Variants in ZNF276 observed in about 807,000 individuals in gnomAD.
ZNF276 encodes the protein zinc finger protein 276, also known as centromere protein Z.
A neutral mutation model predicts 63.9 loss-of-function variants in ZNF276; 59 were observed. That is an observed-to-expected ratio of 0.92 (90% CI 0.75 to 1.15). The LOEUF is 1.15. Ranked by LOEUF, ZNF276 falls within the 50% of genes most tolerant of loss-of-function variation. ZNF276 has a pLI of 0.00. For synonymous variants in ZNF276, 496 were observed against 348.4 expected (o/e 1.42, Z -4.72); for missense variants, 1,084 against 843.8 (o/e 1.28, Z -3.53).
At chr16:89,724,043 G>A (rs532470735) in intron 4 of ZNF276, among the ~76,000 whole-genome samples, 1 of 152,380 alleles carries the variant, frequency 6.6e-6, no homozygotes, top group African/African-American at 2.4e-5. Context: ...CCTTGTCTGT[G>A]GATGTGGGAG....
chr16:89,739,730 G>C lies in ZNF276; in HGVS notation c.*1484G>C, dbSNP rs904003922. 6.7e-7 allele frequency: 1 copy of C among 1,499,028 alleles called. No individual in the cohort carries two copies. The highest frequency in any genetic ancestry group is 2.1e-5 in the Admixed American group (1 of 48,452). 92.9% of individuals were successfully genotyped at this position (1,499,028 alleles called of 1,614,324 possible). ...CCTGTCAGCAGCTGGGAGAGGATGGGGGGGTCGACCTCTTGCAGGAGGGTG... is the reference window on the plus strand; with the variant it reads ...CCTGTCAGCAGCTGGGAGAGGATGGCGGGGTCGACCTCTTGCAGGAGGGTG... On this transcript the variant is annotated 3_prime_UTR_variant, in exon 11 of 11. Coordinates refer to ENST00000443381, the MANE Select transcript of ZNF276 (RefSeq NM_001113525.2).
rs140576598 is a variant in ZNF276 at position 89,738,133 on chromosome 16, C to G, written c.1732C>G (p.Pro578Ala). ...NLNVHMSMVHPLTQTQDKALP... is the reference protein window; with the variant it reads ...NLNVHMSMVHALTQTQDKALP... ...CAATGTACACATGTCCATGGTGCACCCGCTGACACAGACCCAGGACAAGGC... is the reference window on the plus strand; with the variant it reads ...CAATGTACACATGTCCATGGTGCACGCGCTGACACAGACCCAGGACAAGGC... Residue 578 changes from proline (P) to alanine (A), a missense_variant, in exon 11 of 11, where the codon CCG becomes GCG. Coordinates refer to ENST00000443381, the MANE Select transcript of ZNF276 (RefSeq NM_001113525.2). The G allele has an allele frequency of 2.5e-6, 4 of 1,613,620 alleles. No individual in the cohort carries two copies. Among genetic ancestry groups the G allele is most frequent in the Non-Finnish European group, 3.4e-6 (4 of 1,180,026 alleles).
chr16:89,733,997 T>C lies in ZNF276; in HGVS notation c.1433T>C (p.Ile478Thr). 6.2e-7 allele frequency: 1 copy of C among 1,614,080 alleles called. No homozygotes were observed. Among genetic ancestry groups the C allele is most frequent in the East Asian group, 2.2e-5 (1 of 44,882 alleles). ...CCTGGCTGCAACAAGGTTTTCATGA[T>C]CGACCGCTACCTGCAGCGCCACGTG... Reference protein sequence around the residue: ...PHPGCNKVFMIDRYLQRHVKL... With the variant: ...PHPGCNKVFMTDRYLQRHVKL... The change falls in exon 9 of 11, where the codon ATC becomes ACC. Residue 478 changes from isoleucine to threonine, a missense_variant. Physicochemically the swap from Ile to Thr is moderately conservative, Grantham distance 89. Transcript: ENST00000443381.
intron 6 of ZNF276, chr16:89,731,771 A>G (rs11649100): frequency 0.06 from 9,154 of 152,316 alleles, 430 homozygotes; most frequent in East Asian, 0.22. Flanking sequence ...GTTCATTGAT[A>G]ATATATAGAA....
intron 4 of ZNF276, among the ~76,000 whole-genome samples, chr16:89,724,843 TTCC>T (rs1567567308): frequency 6.6e-6 from 1 of 152,156 alleles, no homozygotes; most frequent in Non-Finnish European, 1.5e-5. Context: ...CCTATCTATC[TTCC>T]TACTTCTTTG....
chr16:89,740,219 TG>T lies in ZNF276; in HGVS notation c.*1975del. Reference sequence around the variant, plus strand: ...CTTTGCTTATTGTAAGTCTTAAAACTGGTGACAGTTTTACCTATAGAAGGTA... The same window carrying T: ...CTTTGCTTATTGTAAGTCTTAAAACTGTGACAGTTTTACCTATAGAAGGTA... On this transcript the variant is annotated 3_prime_UTR_variant, in exon 11 of 11. Coordinates refer to ENST00000443381, the MANE Select transcript of ZNF276 (RefSeq NM_001113525.2). 3 of 866,828 alleles carry T rather than the reference TG, an allele frequency of 3.5e-6. No individual in the cohort carries two copies. The highest frequency in any genetic ancestry group is 5.9e-6 in the Non-Finnish European group (3 of 505,748). 53.7% of individuals were successfully genotyped at this position (866,828 alleles called of 1,614,324 possible). A position where few individuals can be genotyped will look rare whatever the true frequency, so the allele number is the denominator to read the frequency against.
intron 4 of ZNF276, among the ~76,000 whole-genome samples, chr16:89,724,707 C>T (rs888168308): frequency 3.3e-5 from 5 of 152,126 alleles, no homozygotes; most frequent in Non-Finnish European, 5.9e-5. Flanking sequence ...TGAGACAGTG[C>T]GGCTCGGGGG....
intron 9 of ZNF276, among the ~76,000 whole-genome samples, chr16:89,736,144 G>C (rs1171505124): frequency 6.6e-6 from 1 of 152,170 alleles, no homozygotes; most frequent in African/African-American, 2.4e-5. Context: ...ACCTGCCTCG[G>C]CCTCCCGAAG....
At chr16:89,735,209 C>A (rs2061816320) in intron 9 of ZNF276, among the ~76,000 whole-genome samples, 1 of 151,628 alleles carries the variant, frequency 6.6e-6, no homozygotes. Context: ...CAGAGGGCTG[C>A]CTTTTCCTAA....
intron 4 of ZNF276, among the ~76,000 whole-genome samples, chr16:89,723,970 G>A (rs999562113): frequency 3.9e-5 from 6 of 152,250 alleles, no homozygotes; most frequent in East Asian, 1.9e-4. Flanking sequence ...CTCATCAGCC[G>A]TCGAGTCTTT....
chr16:89,721,338 G>C (rs971413960), upstream of ZNF276: 6 of 298,190 alleles, frequency 2.0e-5, no homozygotes, highest in Non-Finnish European at 3.1e-5. Flanking sequence ...GTGTCGGCGA[G>C]CCCCTCCGCC....
chr16:89,726,709 G>C (rs546646844), intron 4 of ZNF276, among the ~76,000 whole-genome samples: 1 of 151,848 alleles, frequency 6.6e-6, no homozygotes, highest in African/African-American at 2.4e-5. Flanking sequence ...TGCAGTGCGC[G>C]ATCTCGGCTC....
upstream of ZNF276, chr16:89,721,476 C>CGCCCCTGGCCCCTGGCCCCTG: frequency 1.7e-6 from 1 of 599,968 alleles, no homozygotes. Flanking sequence ...GGCGGGGTCC[C>CGCCCCTGGCCCCTGGCCCCTG]GCCCCTGGCC....
At chr16:89,720,669 C>T, upstream of ZNF276, 1 of 1,254,658 alleles carries the variant, frequency 8.0e-7, no homozygotes, top group Non-Finnish European at 1.0e-6. Context: ...TCCCAAGTCT[C>T]CAGCCCGAGC....
Position 89,722,526 on chromosome 16 carries a change from T to C in ZNF276, c.206-5T>C. ...GCTGCTAACACTTCCTGCCGCTCTG[T>C]GCAGGAGCAGGCCGGGCTCTCGCCA... On this transcript the variant is annotated splice_region_variant and splice_polypyrimidine_tract_variant and intron_variant, in intron 1 of 10. Transcript: ENST00000443381. The C allele has an allele frequency of 1.2e-6, 2 of 1,609,732 alleles. No individual in the cohort carries two copies. Among genetic ancestry groups the C allele is most frequent in the Non-Finnish European group, 1.7e-6 (2 of 1,178,460 alleles).
chr16:89,732,237 A>G (rs1050292010), intron 6 of ZNF276: 2 of 152,254 alleles, frequency 1.3e-5, no homozygotes, highest in African/African-American at 4.8e-5. Context: ...TTGCCAGACC[A>G]ACTAAAATGC....
intron 6 of ZNF276, among the ~76,000 whole-genome samples, chr16:89,730,355 A>G (rs1426754051): frequency 6.6e-6 from 1 of 152,074 alleles, no homozygotes; most frequent in East Asian, 1.9e-4. Context: ...CTCCGGGTTG[A>G]GTCTGAATCC....
In ZNF276 at chr16:89,739,669, G is replaced by A; in HGVS notation, c.*1423G>A. 1.3e-6 allele frequency: 2 copies of A among 1,509,496 alleles called. No homozygotes were observed. Among genetic ancestry groups the A allele is most frequent in the Admixed American group, 2.0e-5 (1 of 50,914 alleles). The allele number at this position is 1,509,496 out of a possible 1,614,324, so 93.5% of individuals were successfully genotyped here. A position where few individuals can be genotyped will look rare whatever the true frequency, so the allele number is the denominator to read the frequency against. ...TGGGAGGCCTGGCTGTGGGGATAGT[G>A]TGGGGCGAACAGCCTGAGCTGAGGA... is the stretch of plus-strand genomic sequence containing the variant. On this transcript the variant is annotated 3_prime_UTR_variant, in exon 11 of 11. Transcript: ENST00000443381.
Position 89,729,250 on chromosome 16 carries a change from A to T in ZNF276, c.1101A>T (p.Glu367Asp). ...TAATTCCTAGAGACGTCTTGAGTGA[A>T]GATGAAAATGACAAGAAGCAAAATG... The part of the protein sequence containing the change: ...SDLSEGDVLS[E>D]DENDKKQNAQ... Residue 367 changes from glutamate to aspartate, a missense_variant, in exon 6 of 11, where the codon GAA (glutamate) becomes GAT (aspartate). Physicochemically the swap from Glu to Asp is conservative, Grantham distance 45. Transcript: ENST00000443381. 1 of 1,614,156 alleles carries T rather than the reference A, an allele frequency of 6.2e-7. No individual in the cohort carries two copies. Among genetic ancestry groups the T allele is most frequent in the Non-Finnish European group, 8.5e-7 (1 of 1,179,998 alleles).
Sources: gnomAD v4.1 joint callset for allele counts (sites outside exome capture counted in the v4.1 genomes callset) on GRCh38, gnomAD v4.1.1 for gene constraint, MANE v1.5 for transcripts, NCBI Gene and HGNC (gene_info 2026-07-23, HGNC 2026-07-21) for gene names.